DCPH1: variants seen among roughly 807,000 people sequenced by gnomAD.
DCPH1 encodes damage control phosphatase 1.
At chr6:151,460,853 G>C in the DCPH1 span, among the ~76,000 whole-genome samples, 1 of 152,132 alleles carries the variant, frequency 6.6e-6, no homozygotes. Flanking sequence ...CACCCCAGCA[G>C]AACAGCAGAA....
chr6:151,461,802 C>G, the DCPH1 span, among the ~76,000 whole-genome samples: 1 of 152,112 alleles, frequency 6.6e-6, no homozygotes, highest in Non-Finnish European at 1.5e-5. Flanking sequence ...ACTGGTTCAG[C>G]GAACAGATTG....
At chr6:151,466,147 G>A in the DCPH1 span, among the ~76,000 whole-genome samples, 1 of 152,194 alleles carries the variant, frequency 6.6e-6, no homozygotes, top group Admixed American at 6.5e-5. Flanking sequence ...TTGAACTCCT[G>A]ACCTCAGGTG....
chr6:151,458,376 C>T, the DCPH1 span: 50 of 1,613,314 alleles, frequency 3.1e-5, 1 homozygote, highest in Non-Finnish European at 3.9e-5. Context: ...TTCTAAATTA[C>T]GGAATGAATT....
the DCPH1 span, chr6:151,452,613 T>C: frequency 1.3e-6 from 2 of 1,595,622 alleles, no homozygotes; most frequent in Non-Finnish European, 1.7e-6. Context: ...TCCTCCCCAC[T>C]TTTGCGGAAA....
chr6:151,457,529 T>C, the DCPH1 span, among the ~76,000 whole-genome samples: 36,328 of 152,102 alleles, frequency 0.24, 4,514 homozygotes, highest in East Asian at 0.41. Flanking sequence ...TCTTTTCTTC[T>C]ATTTCTGAAC....
At chr6:151,463,550 G>A in the DCPH1 span, among the ~76,000 whole-genome samples, 2 of 152,118 alleles carry the variant, frequency 1.3e-5, no homozygotes, top group South Asian at 2.1e-4. Context: ...CAATGGCAGC[G>A]CCCTTGGAAT....
the DCPH1 span, among the ~76,000 whole-genome samples, chr6:151,466,975 G>A: frequency 2.0e-5 from 3 of 152,128 alleles, no homozygotes; most frequent in Admixed American, 6.5e-5. Flanking sequence ...GTTCGGCCGG[G>A]CATGGTGGCT....
chr6:151,459,642 T>C, the DCPH1 span, among the ~76,000 whole-genome samples: 2 of 151,996 alleles, frequency 1.3e-5, no homozygotes, highest in African/African-American at 2.4e-5. Flanking sequence ...AAATATATAA[T>C]TACCCAGGTG....
chr6:151,469,129 A>C, the DCPH1 span: 4 of 1,574,944 alleles, frequency 2.5e-6, no homozygotes, highest in Non-Finnish European at 3.4e-6. Context: ...AGGAGCTCTC[A>C]GTTGCATAGA....
At chr6:151,468,854 A>C in the DCPH1 span, 1 of 1,614,176 alleles carries the variant, frequency 6.2e-7, no homozygotes, top group East Asian at 2.2e-5. Flanking sequence ...GCTGAACTAC[A>C]GAAGGCACAT....
At chr6:151,453,166 T>C in the DCPH1 span, among the ~76,000 whole-genome samples, 1 of 152,192 alleles carries the variant, frequency 6.6e-6, no homozygotes, top group Non-Finnish European at 1.5e-5. Context: ...AGAAAGTAGG[T>C]TGAGGCCAAC....
At chr6:151,462,726 TA>T in the DCPH1 span, among the ~76,000 whole-genome samples, 1 of 152,236 alleles carries the variant, frequency 6.6e-6, no homozygotes, top group Non-Finnish European at 1.5e-5. Flanking sequence ...ATAGTGTGTG[TA>T]CATACACAGC....
the DCPH1 span, chr6:151,452,545 G>C: frequency 2.5e-6 from 4 of 1,611,788 alleles, no homozygotes; most frequent in Non-Finnish European, 3.4e-6. Flanking sequence ...CGCGGAAAGT[G>C]ATGGCTGTCG....
chr6:151,457,063 C>G, the DCPH1 span, among the ~76,000 whole-genome samples: 1 of 152,132 alleles, frequency 6.6e-6, no homozygotes, highest in African/African-American at 2.4e-5. Context: ...TCTGTTATAC[C>G]TATGGCCACT....
the DCPH1 span, among the ~76,000 whole-genome samples, chr6:151,456,504 A>G: frequency 3.3e-5 from 5 of 152,216 alleles, no homozygotes; most frequent in Non-Finnish European, 5.9e-5. Flanking sequence ...TGACAATTAT[A>G]TTGCTGAATG....
the DCPH1 span, chr6:151,464,578 A>C: frequency 1.2e-6 from 2 of 1,610,316 alleles, no homozygotes; most frequent in East Asian, 4.5e-5. Flanking sequence ...GAAGACCTAG[A>C]TGAAAATCAG....
the DCPH1 span, chr6:151,452,481 C>A: frequency 6.4e-7 from 1 of 1,574,210 alleles, no homozygotes; most frequent in Non-Finnish European, 8.7e-7. Flanking sequence ...TCCTTCGCGG[C>A]GGTACCGCCT....
At chr6:151,458,302 A>T in the DCPH1 span, 1 of 1,602,682 alleles carries the variant, frequency 6.2e-7, no homozygotes, top group South Asian at 1.1e-5. Flanking sequence ...ACACACACAC[A>T]ATTTATTTTT....
At chr6:151,453,037 G>A in the DCPH1 span, among the ~76,000 whole-genome samples, 1 of 152,168 alleles carries the variant, frequency 6.6e-6, no homozygotes, top group African/African-American at 2.4e-5. Flanking sequence ...AAAGTTGTGG[G>A]TGACCGTGCA....
Sources: allele counts gnomAD v4.1 joint callset (sites outside exome capture counted in the v4.1 genomes callset), GRCh38; gene constraint gnomAD v4.1.1; transcripts MANE v1.5; gene names NCBI Gene and HGNC (gene_info 2026-07-23, HGNC 2026-07-21).